SCAI: variants seen among roughly 807,000 people sequenced by gnomAD.
SCAI encodes protein SCAI.
Under a neutral mutation model 92.2 loss-of-function variants are expected in SCAI, and 24 were observed. The ratio of observed to expected loss-of-function variants is 0.26; its 90% CI spans 0.19 to 0.37. SCAI has a LOEUF of 0.37. Among genes scored for constraint, SCAI ranks in the 10% least tolerant of loss-of-function variants. SCAI has a pLI of 1.00. For missense variants in SCAI, 450 were observed against 736.2 expected (o/e 0.61, Z 4.50); for synonymous variants, 261 against 258.6 (o/e 1.01, Z -0.09).
intron 9 of SCAI, among the ~76,000 whole-genome samples, chr9:125,017,131 G>A (rs1250205903): frequency 6.6e-6 from 1 of 152,018 alleles, no homozygotes; most frequent in Non-Finnish European, 1.5e-5. Context: ...TGGTCATAGA[G>A]TGTGCACATA....
At chr9:124,966,794 T>G (rs1455044073) in intron 17 of SCAI, among the ~76,000 whole-genome samples, 1 of 151,558 alleles carries the variant, frequency 6.6e-6, no homozygotes, top group African/African-American at 2.4e-5. Context: ...TTTTTTTTTC[T>G]AAGAGATAGG....
intron 2 of SCAI, among the ~76,000 whole-genome samples, chr9:125,100,934 CTG>C (rs1372715781): frequency 1.3e-5 from 2 of 152,154 alleles, no homozygotes; most frequent in Non-Finnish European, 2.9e-5. Flanking sequence ...GAACTAAAAA[CTG>C]TGACTGAGCT....
chr9:125,034,484 C>G (rs1026139665), intron 3 of SCAI, among the ~76,000 whole-genome samples: 1 of 152,234 alleles, frequency 6.6e-6, no homozygotes, highest in African/African-American at 2.4e-5. Flanking sequence ...GTCTGTAGTC[C>G]CAGCACTTTG....
chr9:124,954,805 C>T (rs1436809698), intron 17 of SCAI, among the ~76,000 whole-genome samples: 3 of 152,112 alleles, frequency 2.0e-5, no homozygotes. Context: ...CACGCATGTG[C>T]TTCTGGTATC....
At chr9:125,095,737 T>A (rs537013492) in intron 2 of SCAI, among the ~76,000 whole-genome samples, 1 of 152,288 alleles carries the variant, frequency 6.6e-6, no homozygotes, top group Non-Finnish European at 1.5e-5. Flanking sequence ...AATATGGACA[T>A]AATATTGAGC....
chr9:124,992,319 A>G (rs930178420), intron 14 of SCAI, among the ~76,000 whole-genome samples: 2 of 152,164 alleles, frequency 1.3e-5, no homozygotes, highest in Admixed American at 1.3e-4. Flanking sequence ...TTAATTTCTA[A>G]AAAGACTAAA....
At chr9:125,059,942 T>C (rs1169244463) in intron 2 of SCAI, among the ~76,000 whole-genome samples, 1 of 152,230 alleles carries the variant, frequency 6.6e-6, no homozygotes, top group Non-Finnish European at 1.5e-5. Context: ...ACCTACCAAA[T>C]TTATATTCAT....
intron 2 of SCAI, among the ~76,000 whole-genome samples, chr9:125,084,492 C>G (rs766733089): frequency 6.6e-6 from 1 of 151,940 alleles, no homozygotes; most frequent in Non-Finnish European, 1.5e-5. Flanking sequence ...TTAAGCACTA[C>G]GTAAAAGAGG....
chr9:125,103,776 G>A (rs1175091907), intron 2 of SCAI, among the ~76,000 whole-genome samples: 3 of 152,114 alleles, frequency 2.0e-5, no homozygotes, highest in African/African-American at 7.2e-5. Flanking sequence ...CAAACTTATA[G>A]GATAATTTAA....
chr9:125,028,952 C>T (rs1363342735), intron 4 of SCAI, among the ~76,000 whole-genome samples: 2 of 152,024 alleles, frequency 1.3e-5, no homozygotes, highest in Non-Finnish European at 2.9e-5. Flanking sequence ...TGTGCACCAC[C>T]ATGCCCGACT....
chr9:124,956,816 T>C (rs1831321464), intron 17 of SCAI, among the ~76,000 whole-genome samples: 1 of 152,144 alleles, frequency 6.6e-6, no homozygotes, highest in African/African-American at 2.4e-5. Flanking sequence ...CTAGCCCTGA[T>C]ATAAAGCACT....
intron 2 of SCAI, among the ~76,000 whole-genome samples, chr9:125,122,547 CT>C (rs1317453139): frequency 1.7e-3 from 237 of 137,542 alleles, no homozygotes; most frequent in Middle Eastern, 5.0e-3. Context: ...CAAGATTGCG[CT>C]ACTGCACTCC....
chr9:125,081,820 C>T (rs866918621), intron 2 of SCAI, among the ~76,000 whole-genome samples: 27 of 152,242 alleles, frequency 1.8e-4, no homozygotes, highest in African/African-American at 6.0e-4. Flanking sequence ...CCGCCCACCC[C>T]GGCTTCCCAA....
At chr9:125,111,497 G>C (rs1198502225) in intron 2 of SCAI, among the ~76,000 whole-genome samples, 1 of 151,960 alleles carries the variant, frequency 6.6e-6, no homozygotes, top group African/African-American at 2.4e-5. Flanking sequence ...GGATGGCTTT[G>C]AATGTGGCCC....
chr9:125,049,149 C>T (rs1329730677), intron 3 of SCAI, among the ~76,000 whole-genome samples: 2 of 151,868 alleles, frequency 1.3e-5, no homozygotes, highest in Non-Finnish European at 2.9e-5. Flanking sequence ...TACACACACA[C>T]TCACACAATA....
At chr9:124,987,250 C>G (rs1237062861) in intron 14 of SCAI, among the ~76,000 whole-genome samples, 2 of 152,034 alleles carry the variant, frequency 1.3e-5, no homozygotes, top group Non-Finnish European at 2.9e-5. Context: ...TTTCAAACTC[C>G]TGACCTTGTG....
rs139234089 is a variant in SCAI at position 125,027,589 on chromosome 9, C to G, written c.414-679G>C. 5.2e-3 allele frequency among the ~76,000 whole-genome samples: 791 copies of G among 152,200 alleles called. 5 individuals are homozygous for G. Among genetic ancestry groups the G allele is most frequent in the African/African-American group, 0.018 (755 of 41,534 alleles). ...GGCTGGAGTGCCAATGGCATGATCT[C>G]GGCTCACTGCAACCTCTGCCTCCCA... On this transcript the variant is annotated intron_variant, in intron 5 of 17. Coordinates refer to ENST00000336505, the MANE Select transcript of SCAI (RefSeq NM_001144877.3).
chr9:125,134,400 C>A (rs1835471633), intron 2 of SCAI, among the ~76,000 whole-genome samples: 2 of 152,120 alleles, frequency 1.3e-5, no homozygotes, highest in Admixed American at 1.3e-4. Context: ...TCCCTAGAAC[C>A]CAGAACTAGA....
At chr9:125,015,011 C>T (rs1330726931) in intron 9 of SCAI, among the ~76,000 whole-genome samples, 6 of 152,232 alleles carry the variant, frequency 3.9e-5, no homozygotes, top group Non-Finnish European at 7.4e-5. Context: ...CCCTTCCTTA[C>T]ACCTTATACA....
Sources: allele counts gnomAD v4.1 joint callset (sites outside exome capture counted in the v4.1 genomes callset), GRCh38; gene constraint gnomAD v4.1.1; transcripts MANE v1.5; gene names NCBI Gene and HGNC (gene_info 2026-07-23, HGNC 2026-07-21).